TP63: variants seen among roughly 807,000 people sequenced by gnomAD.
The protein encoded by TP63 is tumor protein p63, also known as tumor protein 63.
A neutral mutation model predicts 82.8 loss-of-function variants in TP63; 17 were observed. The observed-to-expected ratio is 0.21, with a 90% confidence interval of 0.14 to 0.31. The LOEUF is 0.31. Among genes scored for constraint, TP63 ranks in the 10% least tolerant of loss-of-function variants. TP63 has a pLI of 1.00. For synonymous variants in TP63, 330 were observed against 321.7 expected (o/e 1.03, Z -0.28); for missense variants, 648 against 895.3 (o/e 0.72, Z 3.52).
chr3:189,687,552 G>C (rs1716549129), intron 1 of TP63, among the ~76,000 whole-genome samples: 1 of 152,132 alleles, frequency 6.6e-6, no homozygotes, highest in Admixed American at 6.5e-5. Flanking sequence ...AGGGAATATA[G>C]AATTGCAAAT....
At chr3:189,855,171 C>A (rs1470564885) in intron 4 of TP63, among the ~76,000 whole-genome samples, 1 of 151,962 alleles carries the variant, frequency 6.6e-6, no homozygotes, top group Non-Finnish European at 1.5e-5. Flanking sequence ...GAAACTGATA[C>A]GAGCAGAAGA....
chr3:189,803,003 T>A (rs1287818931), intron 3 of TP63, among the ~76,000 whole-genome samples: 2 of 152,150 alleles, frequency 1.3e-5, no homozygotes, highest in South Asian at 2.1e-4. Flanking sequence ...GGGGACATTT[T>A]AAAAAATTCT....
intron 5 of TP63, among the ~76,000 whole-genome samples, chr3:189,866,239 C>G (rs1421888324): frequency 6.6e-6 from 1 of 152,156 alleles, no homozygotes; most frequent in Non-Finnish European, 1.5e-5. Flanking sequence ...GAAGTCATAT[C>G]CTTGCTATCT....
At chr3:189,640,711 T>C (rs1711776175) in intron 1 of TP63, among the ~76,000 whole-genome samples, 1 of 152,288 alleles carries the variant, frequency 6.6e-6, no homozygotes. Flanking sequence ...GGAAAGCTTG[T>C]TTTTCCCTTC....
intron 1 of TP63, among the ~76,000 whole-genome samples, chr3:189,657,581 A>G (rs1713495415): frequency 6.6e-6 from 1 of 152,146 alleles, no homozygotes; most frequent in Non-Finnish European, 1.5e-5. Flanking sequence ...TGCAACAACA[A>G]ATGTATACTG....
the TP63 span, among the ~76,000 whole-genome samples, chr3:189,619,211 C>A: frequency 0.013 from 1,920 of 152,216 alleles, 44 homozygotes; most frequent in African/African-American, 0.044. Flanking sequence ...TGTCTGGGAC[C>A]TGGCAGCCCA....
At chr3:189,612,693 G>A in the TP63 span, among the ~76,000 whole-genome samples, 1 of 152,180 alleles carries the variant, frequency 6.6e-6, no homozygotes, top group Non-Finnish European at 1.5e-5. Flanking sequence ...GGAAAGTTTG[G>A]AACTTCCTAG....
chr3:189,724,096 G>T (rs960963915), intron 1 of TP63, among the ~76,000 whole-genome samples: 1 of 144,304 alleles, frequency 6.9e-6, no homozygotes, highest in Non-Finnish European at 1.5e-5. Context: ...AAAGAATAAA[G>T]ACTTAGGAGT....
At chr3:189,785,122 G>A (rs1724499400) in intron 3 of TP63, among the ~76,000 whole-genome samples, 1 of 151,992 alleles carries the variant, frequency 6.6e-6, no homozygotes, top group Non-Finnish European at 1.5e-5. Flanking sequence ...AAGGGCTTGA[G>A]ATACGGAGCT....
At chr3:189,650,931 G>A (rs1712835372) in intron 1 of TP63, among the ~76,000 whole-genome samples, 1 of 147,054 alleles carries the variant, frequency 6.8e-6, no homozygotes, top group Non-Finnish European at 1.5e-5. Flanking sequence ...GAAGATGTGG[G>A]AAGGTTTGGA....
the TP63 span, among the ~76,000 whole-genome samples, chr3:189,618,692 C>A: frequency 2.0e-5 from 3 of 152,186 alleles, no homozygotes; most frequent in Admixed American, 1.3e-4. Context: ...TGTTACCCTT[C>A]CAACTAGCAA....
chr3:189,727,230 C>CT (rs1337655814), intron 1 of TP63, among the ~76,000 whole-genome samples: 1 of 152,070 alleles, frequency 6.6e-6, no homozygotes, highest in Non-Finnish European at 1.5e-5. Flanking sequence ...TTCATTTTTA[C>CT]TTTTTTTTGT....
intron 3 of TP63, among the ~76,000 whole-genome samples, chr3:189,753,086 T>C (rs997059296): frequency 6.6e-6 from 1 of 152,160 alleles, no homozygotes; most frequent in African/African-American, 2.4e-5. Flanking sequence ...GATGACTGTT[T>C]TATGGCACTT....
chr3:189,682,097 G>A (rs954206454), intron 1 of TP63, among the ~76,000 whole-genome samples: 2 of 152,130 alleles, frequency 1.3e-5, no homozygotes, highest in African/African-American at 4.8e-5. Flanking sequence ...GCTAGGTGTG[G>A]TGGTACACAC....
chr3:189,805,350 A>T (rs1726769142), intron 3 of TP63, among the ~76,000 whole-genome samples: 1 of 152,230 alleles, frequency 6.6e-6, no homozygotes, highest in Non-Finnish European at 1.5e-5. Context: ...CCCAGAAAGT[A>T]TGGCCTCTGT....
intron 3 of TP63, among the ~76,000 whole-genome samples, chr3:189,793,677 C>T (rs190822270): frequency 2.0e-5 from 3 of 152,002 alleles, no homozygotes; most frequent in Admixed American, 2.0e-4. Context: ...CTTTTCTCTC[C>T]CCTTGAATAT....
chr3:189,813,635 A>G (rs763936293), intron 4 of TP63, among the ~76,000 whole-genome samples: 1 of 151,418 alleles, frequency 6.6e-6, no homozygotes, highest in Non-Finnish European at 1.5e-5. Flanking sequence ...AATTGTGTTC[A>G]GACTGAAGTA....
intron 1 of TP63, among the ~76,000 whole-genome samples, chr3:189,669,660 A>ATTGGGCTCTG (rs1714721768): frequency 6.6e-6 from 1 of 152,070 alleles, no homozygotes; most frequent in Non-Finnish European, 1.5e-5. Flanking sequence ...AATGTTTTGG[A>ATTGGGCTCTG]AAATGGGCTC....
At chr3:189,715,707 A>G (rs183486771) in intron 1 of TP63, among the ~76,000 whole-genome samples, 1 of 152,240 alleles carries the variant, frequency 6.6e-6, no homozygotes, top group Non-Finnish European at 1.5e-5. Context: ...GATACTGTAC[A>G]TAAACCACAA....
Sources: gnomAD v4.1 joint callset for allele counts (sites outside exome capture counted in the v4.1 genomes callset) on GRCh38, gnomAD v4.1.1 for gene constraint, MANE v1.5 for transcripts, NCBI Gene and HGNC (gene_info 2026-07-23, HGNC 2026-07-21) for gene names.